The following ANKRD30B variants were observed in gnomAD, a reference collection of about 807,000 sequenced individuals.
ANKRD30B encodes the protein ankyrin repeat domain-containing protein 30B.
Under a neutral mutation model 202.2 loss-of-function variants are expected in ANKRD30B, and 144 were observed. The ratio of observed to expected loss-of-function variants is 0.71; its 90% CI spans 0.62 to 0.82. ANKRD30B has a LOEUF of 0.82. Among genes scored for constraint, ANKRD30B ranks in the 40% least tolerant of loss-of-function variants. The pLI is 0.00. For missense variants in ANKRD30B, 1,487 were observed against 1,669.1 expected, an observed-to-expected ratio of 0.89 and a Z score of 1.90; for synonymous variants, 508 against 561.3, an observed-to-expected ratio of 0.91 and a Z score of 1.34.
chr18:14,851,321 A>C (rs928604313), intron 41 of ANKRD30B, among the ~76,000 whole-genome samples, 188 bp from the exon 42 acceptor site: 2 of 151,208 alleles, frequency 1.3e-5, no homozygotes, highest in Non-Finnish European at 3.0e-5. Context: ...GTCTCCAAAT[A>C]AATGTTTGAA....
chr18:14,871,923 A>G, the ANKRD30B span, among the ~76,000 whole-genome samples: 3 of 152,212 alleles, frequency 2.0e-5, no homozygotes, highest in African/African-American at 7.2e-5. Flanking sequence ...TCTGATATAT[A>G]CACAAACATG....
chr18:14,833,644 T>G (rs1029549518), intron 34 of ANKRD30B, among the ~76,000 whole-genome samples: 2 of 152,214 alleles, frequency 1.3e-5, no homozygotes, highest in African/African-American at 4.8e-5. Context: ...ACTAATTGTC[T>G]TATTATGTAA....
the ANKRD30B span, among the ~76,000 whole-genome samples, chr18:14,902,275 G>C: frequency 6.6e-6 from 1 of 152,096 alleles, no homozygotes; most frequent in Non-Finnish European, 1.5e-5. Context: ...AGGTTTATAG[G>C]CTTGCAGTAA....
intron 24 of ANKRD30B, among the ~76,000 whole-genome samples, chr18:14,806,134 G>A (rs1302539192): frequency 6.7e-6 from 1 of 149,452 alleles, no homozygotes. Flanking sequence ...GCAGGAGAAT[G>A]GCCTGAACCC....
intron 1 of ANKRD30B, among the ~76,000 whole-genome samples, chr18:14,750,104 A>C (rs1244411037): frequency 6.6e-6 from 1 of 152,142 alleles, no homozygotes; most frequent in African/African-American, 2.4e-5. Context: ...TAGTAAAACA[A>C]AAATTAAATC....
At chr18:14,839,830 G>A (rs1167502935) in intron 36 of ANKRD30B, among the ~76,000 whole-genome samples, 1 of 152,030 alleles carries the variant, frequency 6.6e-6, no homozygotes. Context: ...TACTTCGCAC[G>A]ACATACTCTG....
chr18:14,939,840 A>G, the ANKRD30B span, among the ~76,000 whole-genome samples: 4 of 152,258 alleles, frequency 2.6e-5, no homozygotes, highest in Non-Finnish European at 4.4e-5. Context: ...TAGCACGTGG[A>G]GGGACTGCAT....
rs199801634 is a variant in ANKRD30B at position 14,854,458 on chromosome 18, G to C, written c.*300G>C. Among the ~76,000 whole-genome samples, 3 of 152,254 alleles carry C rather than the reference G, an allele frequency of 2.0e-5. No individual in the cohort carries two copies. Among genetic ancestry groups the C allele is most frequent in the East Asian group, 1.9e-4 (1 of 5,168 alleles). Reference sequence around the variant, plus strand: ...AAGGGGACAGGTCCTTTCTTCACAAGACCAGTCTTTGCTCCAGAAATGAAT... The same window carrying C: ...AAGGGGACAGGTCCTTTCTTCACAACACCAGTCTTTGCTCCAGAAATGAAT... On this transcript the variant is annotated 3_prime_UTR_variant, in exon 44 of 44. Transcript: ENST00000690538.
At chr18:14,774,909 C>T (rs573885481) in intron 9 of ANKRD30B, among the ~76,000 whole-genome samples, 35 of 151,970 alleles carry the variant, frequency 2.3e-4, no homozygotes, top group African/African-American at 7.7e-4. Flanking sequence ...CGGCAGATCA[C>T]GAGGTCAGGA....
chr18:14,940,321 G>A, the ANKRD30B span, among the ~76,000 whole-genome samples: 1 of 152,190 alleles, frequency 6.6e-6, no homozygotes, highest in African/African-American at 2.4e-5. Context: ...AACAAGCTGG[G>A]GCTCTGCCGC....
chr18:14,838,963 A>G (rs1241477815), intron 36 of ANKRD30B, among the ~76,000 whole-genome samples: 1 of 152,242 alleles, frequency 6.6e-6, no homozygotes, highest in Non-Finnish European at 1.5e-5. Context: ...GAGTAAGAAC[A>G]GGCATGTGGA....
At chr18:14,892,258 C>T in the ANKRD30B span, among the ~76,000 whole-genome samples, 1 of 152,142 alleles carries the variant, frequency 6.6e-6, no homozygotes, top group Non-Finnish European at 1.5e-5. Flanking sequence ...GTAATATTTG[C>T]TGGCTTTTCT....
chr18:14,759,593 T>A (rs1159316199), intron 5 of ANKRD30B, among the ~76,000 whole-genome samples: 1 of 152,242 alleles, frequency 6.6e-6, no homozygotes, highest in African/African-American at 2.4e-5. Flanking sequence ...AGCATCATTC[T>A]AACAAAGATT....
At chr18:14,785,901 G>A (rs954269597) in intron 14 of ANKRD30B, among the ~76,000 whole-genome samples, 41 of 152,068 alleles carry the variant, frequency 2.7e-4, no homozygotes, top group African/African-American at 8.9e-4. Flanking sequence ...AGCCGGGTGC[G>A]GTGGCGGGCG....
chr18:14,825,267 A>C (rs994397878), intron 32 of ANKRD30B: 2 of 152,206 alleles, frequency 1.3e-5, no homozygotes, highest in Non-Finnish European at 2.9e-5. Context: ...TAAGTGACAG[A>C]TGAGAGACAT....
chr18:14,876,819 G>T, the ANKRD30B span, among the ~76,000 whole-genome samples: 1 of 152,204 alleles, frequency 6.6e-6, no homozygotes, highest in East Asian at 1.9e-4. Flanking sequence ...ATACCCTTAA[G>T]TTCACCTGTT....
chr18:14,779,095 G>A (rs1166588965), intron 10 of ANKRD30B, among the ~76,000 whole-genome samples: 5 of 152,150 alleles, frequency 3.3e-5, no homozygotes, highest in Non-Finnish European at 7.3e-5. Flanking sequence ...GCAGGACACG[G>A]GATAAGAGAG....
chr18:14,891,309 T>G, the ANKRD30B span, among the ~76,000 whole-genome samples: 1 of 148,866 alleles, frequency 6.7e-6, no homozygotes. Flanking sequence ...TTCATGTCAT[T>G]GGGATTTAAT....
the ANKRD30B span, among the ~76,000 whole-genome samples, chr18:14,868,653 G>A: frequency 4.6e-4 from 70 of 152,378 alleles, no homozygotes; most frequent in Middle Eastern, 0.014. Flanking sequence ...CCCTGTGGAA[G>A]AGGCGAGGCT....
Sources: gnomAD v4.1 joint callset for allele counts (sites outside exome capture counted in the v4.1 genomes callset) on GRCh38, gnomAD v4.1.1 for gene constraint, MANE v1.5 for transcripts, NCBI Gene and HGNC (gene_info 2026-07-23, HGNC 2026-07-21) for gene names.